IFT172: variants seen among roughly 807,000 people sequenced by gnomAD.
IFT172 encodes the protein intraflagellar transport protein 172 homolog.
Under a neutral mutation model 248.9 loss-of-function variants are expected in IFT172, and 164 were observed. The ratio of observed to expected loss-of-function variants is 0.66; its 90% CI spans 0.58 to 0.75. IFT172 has a LOEUF of 0.75. Ranked by LOEUF, IFT172 falls within the 30% of genes least tolerant of loss-of-function variation. The pLI, the probability that IFT172 is intolerant of heterozygous loss-of-function variation, is 0.00. For missense variants in IFT172, 1,950 were observed against 2,192.4 expected, an observed-to-expected ratio of 0.89 and a Z score of 2.21; for synonymous variants, 729 against 791.6, an observed-to-expected ratio of 0.92 and a Z score of 1.33.
intron 20 of IFT172, among the ~76,000 whole-genome samples, chr2:27,462,167 G>A (rs1666730621): frequency 6.6e-6 from 1 of 152,076 alleles, no homozygotes; most frequent in Non-Finnish European, 1.5e-5. Flanking sequence ...CGAGTAGCTG[G>A]GATTACAGGC....
chr2:27,452,693 G>C, intron 35 of IFT172, among the ~76,000 whole-genome samples: 1 of 152,180 alleles, frequency 6.6e-6, no homozygotes, highest in Non-Finnish European at 1.5e-5. Flanking sequence ...AAGCATTTGT[G>C]TATTGAAACC....
chr2:27,457,378 T>C (rs1441978398), intron 29 of IFT172, among the ~76,000 whole-genome samples: 1 of 152,184 alleles, frequency 6.6e-6, no homozygotes, highest in Non-Finnish European at 1.5e-5. Flanking sequence ...AAGACCAGCT[T>C]GGGCAACATG....
intron 14 of IFT172, among the ~76,000 whole-genome samples, chr2:27,473,717 A>G (rs1407919181): frequency 1.3e-5 from 2 of 152,126 alleles, no homozygotes; most frequent in African/African-American, 4.8e-5. Context: ...TTATGTGTGT[A>G]CAGTATATAT....
In IFT172 at chr2:27,465,458, G is replaced by T. The variant is rs759780806; in HGVS notation, c.1890C>A (p.Thr630=). Residue 630 remains threonine, a synonymous_variant, in exon 18 of 48, where the codon ACC becomes ACA. Transcript: ENST00000260570. ...MTPETEAMWK[T]LSKLALEARQ... The stretch of plus-strand genomic sequence containing the variant: ...TTGCCTCTAGTGCCAGTTTACTCAA[G>T]GTTTTCCACATTGCCTCTGTTTCTG... 6.2e-7 allele frequency: 1 copy of T among 1,614,094 alleles called. No individual in the cohort carries two copies. Among genetic ancestry groups the T allele is most frequent in the Admixed American group, 1.7e-5 (1 of 60,016 alleles).
chr2:27,470,461 G>C (rs1044283978), intron 16 of IFT172, among the ~76,000 whole-genome samples: 3 of 152,182 alleles, frequency 2.0e-5, no homozygotes, highest in African/African-American at 7.2e-5. Context: ...CACACTCCTA[G>C]CCTAGCACAG....
At chr2:27,456,266 G>A (rs1193123148) in intron 30 of IFT172, among the ~76,000 whole-genome samples, 1 of 152,068 alleles carries the variant, frequency 6.6e-6, no homozygotes, top group East Asian at 1.9e-4. Flanking sequence ...TTACCCAGGA[G>A]TAAGTTATTG....
Position 27,454,293 on chromosome 2 carries a change from A to T in IFT172, c.3530+61T>A. 6.2e-7 allele frequency: 1 copy of T among 1,610,506 alleles called. No individual in the cohort carries two copies. The highest frequency in any genetic ancestry group is 2.2e-5 in the East Asian group (1 of 44,868). ...GGTTTGAATGAAGGTCAAGATAATC[A>T]TGAAAGATCCTGGGACGGTGACTGG... On this transcript the variant is annotated intron_variant, in intron 32 of 47. Transcript: ENST00000260570. The surrounding 1 kb of genome is among the most constrained non-coding windows in gnomAD (Gnocchi z 4.2).
intron 16 of IFT172, 137 bp downstream of exon 16, chr2:27,470,791 T>C (rs1258605055): frequency 2.5e-6 from 2 of 809,672 alleles, no homozygotes; most frequent in East Asian, 5.9e-5. Flanking sequence ...GGTCCATAAG[T>C]CTAAGCTTTA....
In IFT172 at chr2:27,459,407, G is replaced by A. The variant is rs374488959; in HGVS notation, c.2758C>T (p.Gln920Ter). 1 of 1,614,048 alleles carries A rather than the reference G, an allele frequency of 6.2e-7. No homozygotes were observed. Among genetic ancestry groups the A allele is most frequent in the Admixed American group, 1.7e-5 (1 of 60,006 alleles). ...TASKYYPLVAQHYASLQEYEI... is the reference protein window; with the variant it reads ...TASKYYPLVA ...TACTCCTGCAGGGATGCATAGTGTT[G>A]GGCCACGAGAGGATAGTATTTGGAT... The change falls in exon 25 of 48, where the codon CAA (glutamine) becomes TAA (stop). Residue 920 changes from glutamine (Q) to a stop codon, truncating the protein, a stop_gained. Transcript: ENST00000260570. LOFTEE classifies it high-confidence loss of function.
chr2:27,444,700 T>G (rs549230810), intron 47 of IFT172, among the ~76,000 whole-genome samples, 179 bp from the exon 48 acceptor site: 1 of 152,216 alleles, frequency 6.6e-6, no homozygotes, highest in Admixed American at 6.5e-5. Context: ...CAGGCTGGAG[T>G]GCAGTGGCAC....
Position 27,461,347 on chromosome 2 carries a change from G to C in IFT172, c.2364C>G (p.Thr788=). ...LPAKAARLVL[T]REELLANTEL... is the part of the protein sequence containing the mutation. ...CTGTGTTGGCTAGCAGTTCCTCTCGGGTCAGCACCAGCCGAGCAGCTTTGG... is the reference window on the plus strand; with the variant it reads ...CTGTGTTGGCTAGCAGTTCCTCTCGCGTCAGCACCAGCCGAGCAGCTTTGG... The change falls in exon 22 of 48, where the codon ACC becomes ACG. Residue 788 remains threonine (T), a synonymous_variant. Coordinates refer to ENST00000260570, the MANE Select transcript of IFT172 (RefSeq NM_015662.3). 3.7e-6 allele frequency: 6 copies of C among 1,614,146 alleles called. No individual in the cohort carries two copies. Among genetic ancestry groups the C allele is most frequent in the Non-Finnish European group, 5.1e-6 (6 of 1,180,024 alleles).
At position 27,454,514 on chromosome 2, in the gene IFT172, C is replaced by T; in HGVS notation, c.3465+53G>A. On this transcript the variant is annotated intron_variant, in intron 31 of 47. Transcript: ENST00000260570. This position sits in a 1 kb window ranked among gnomAD's most constrained non-coding sequence, Gnocchi z 4.2. ...GGTCTGCACACCCAGCAGCAGTGCA[C>T]TAGGGGATGGAATAAGAGGGCTCTG... 6.2e-7 allele frequency: 1 copy of T among 1,610,704 alleles called. No individual in the cohort carries two copies. Among genetic ancestry groups the T allele is most frequent in the Non-Finnish European group, 8.5e-7 (1 of 1,176,980 alleles).
At position 27,485,140 on chromosome 2, in the gene IFT172, T is replaced by C; in HGVS notation, c.184-10A>G. 1 of 1,291,672 alleles carries C rather than the reference T, an allele frequency of 7.7e-7. No homozygotes were observed. The highest frequency in any genetic ancestry group is 1.1e-6 in the Non-Finnish European group (1 of 935,814). The allele number at this position is 1,291,672 out of a possible 1,614,324, so 80.0% of individuals were successfully genotyped here. On this transcript the variant is annotated splice_polypyrimidine_tract_variant and intron_variant, in intron 2 of 47. Coordinates refer to ENST00000260570, the MANE Select transcript of IFT172 (RefSeq NM_015662.3). The stretch of plus-strand genomic sequence containing the variant: ...AGCTCTTCCTGCCATACTAAGAGTT[T>C]AAAAAAAAAAAAAGAAAGAAAAAGA...
chr2:27,477,511 TAGA>T, intron 12 of IFT172, 45 bp downstream of exon 12: 1 of 1,391,940 alleles, frequency 7.2e-7, no homozygotes, highest in Non-Finnish European at 1.0e-6. Flanking sequence ...ACACAGAAGC[TAGA>T]AGGAGGCTTA....
In IFT172 at chr2:27,488,217, G is replaced by A. The variant is rs556315101; in HGVS notation, c.39+1398C>T. The stretch of plus-strand genomic sequence containing the variant: ...CCCCCAGGCTGGAGTGCAGTGGCAC[G>A]ATCTCGGCTCACTGCAACCTCCACC... On this transcript the variant is annotated intron_variant, in intron 1 of 47. Transcript: ENST00000260570. Among the ~76,000 whole-genome samples, 4 of 151,974 alleles carry A rather than the reference G, an allele frequency of 2.6e-5. No individual in the cohort carries two copies. The East Asian group carries it at 7.8e-4, about 29-fold the overall frequency.
chr2:27,459,026 T>C, intron 25 of IFT172, 158 bp from the exon 26 acceptor site: 2 of 753,632 alleles, frequency 2.7e-6, no homozygotes, highest in Non-Finnish European at 4.1e-6. Context: ...TCATACATTC[T>C]ACCATTTAAA....
At chr2:27,463,246 T>A in intron 18 of IFT172, 65 bp from the exon 19 acceptor site, 1 of 1,449,620 alleles carries the variant, frequency 6.9e-7, no homozygotes, top group Non-Finnish European at 9.6e-7. Context: ...ATTCATTGGT[T>A]CAGCAAATAC....
intron 4 of IFT172, 89 bp from the exon 5 acceptor site, chr2:27,484,026 A>G: frequency 7.7e-7 from 1 of 1,302,506 alleles, no homozygotes; most frequent in Non-Finnish European, 1.1e-6. Context: ...ACACACCACC[A>G]CCTCAATCTC....
intron 14 of IFT172, 152 bp downstream of exon 14, chr2:27,476,489 A>T (rs1667961200): frequency 1.8e-6 from 1 of 550,420 alleles, no homozygotes; most frequent in Non-Finnish European, 3.3e-6. Flanking sequence ...TATTGACTTA[A>T]ACATTTCATA....
Sources: allele counts gnomAD v4.1 joint callset (sites outside exome capture counted in the v4.1 genomes callset), GRCh38; gene constraint gnomAD v4.1.1; non-coding constraint Gnocchi (gnomAD v3.1); transcripts MANE v1.5; gene names NCBI Gene and HGNC (gene_info 2026-07-23, HGNC 2026-07-21).